The following MGAT4C variants were observed in gnomAD, a reference collection of about 807,000 sequenced individuals.
MGAT4C encodes MGAT4 family member C.
In MGAT4C, 19 loss-of-function variants were observed where a neutral mutation model predicts 40.1. The ratio of observed to expected loss-of-function variants is 0.47; its 90% CI spans 0.33 to 0.70. The LOEUF is 0.70. Among genes scored for constraint, MGAT4C ranks in the 30% least tolerant of loss-of-function variants. The pLI, the probability that MGAT4C is intolerant of heterozygous loss-of-function variation, is 0.02. For missense variants in MGAT4C, 491 were observed against 563.2 expected (o/e 0.87, Z 1.30); for synonymous variants, 181 against 187.1 (o/e 0.97, Z 0.27).
At chr12:86,389,220 A>G (rs1159307401) in intron 3 of MGAT4C, among the ~76,000 whole-genome samples, 3 of 151,894 alleles carry the variant, frequency 2.0e-5, no homozygotes, top group Non-Finnish European at 2.9e-5. Context: ...GGAAGGCCCC[A>G]TTGTGTGTTG....
At chr12:86,348,357 T>C (rs1446440234) in intron 3 of MGAT4C, among the ~76,000 whole-genome samples, 1 of 152,150 alleles carries the variant, frequency 6.6e-6, no homozygotes, top group African/African-American at 2.4e-5. Flanking sequence ...TCCACTGATA[T>C]TTTAACTTAA....
At chr12:86,756,849 A>G (rs1313463752) in intron 1 of MGAT4C, among the ~76,000 whole-genome samples, 3 of 152,156 alleles carry the variant, frequency 2.0e-5, no homozygotes, top group Non-Finnish European at 4.4e-5. Flanking sequence ...AAAACCCTGA[A>G]AGATAACTTC....
At chr12:86,696,539 G>A (rs959208926) in intron 2 of MGAT4C, among the ~76,000 whole-genome samples, 2 of 152,194 alleles carry the variant, frequency 1.3e-5, no homozygotes. Context: ...TCCGTTTTTG[G>A]AGGTGGATGC....
intron 2 of MGAT4C, among the ~76,000 whole-genome samples, chr12:86,550,585 T>G (rs1959302542): frequency 6.6e-6 from 1 of 152,226 alleles, no homozygotes; most frequent in Non-Finnish European, 1.5e-5. Context: ...GGCTTCATTT[T>G]CATTCCACCA....
intron 2 of MGAT4C, among the ~76,000 whole-genome samples, chr12:86,593,871 C>CA (rs151166377): frequency 0.054 from 8,283 of 152,154 alleles, 285 homozygotes; most frequent in African/African-American, 0.09. Context: ...CTTCTCCAGG[C>CA]AAAATCTCTG....
intron 4 of MGAT4C, among the ~76,000 whole-genome samples, chr12:86,268,854 A>G (rs187445506): frequency 1.4e-5 from 2 of 147,108 alleles, no homozygotes; most frequent in Admixed American, 1.4e-4. Context: ...TCTTCTTAGT[A>G]ATTATGCATA....
chr12:86,419,844 G>A (rs367776938), intron 3 of MGAT4C, among the ~76,000 whole-genome samples: 7 of 152,234 alleles, frequency 4.6e-5, no homozygotes, highest in East Asian at 3.9e-4. Context: ...TATTAAGAGA[G>A]TTGTATCAGG....
chr12:86,656,680 C>T (rs1963857821), intron 2 of MGAT4C, among the ~76,000 whole-genome samples: 2 of 151,972 alleles, frequency 1.3e-5, no homozygotes, highest in Non-Finnish European at 2.9e-5. Flanking sequence ...AAAAATGCTT[C>T]GTGAGCTGGA....
chr12:86,694,450 A>C (rs1035133025), intron 2 of MGAT4C, among the ~76,000 whole-genome samples: 1 of 152,206 alleles, frequency 6.6e-6, no homozygotes, highest in Non-Finnish European at 1.5e-5. Context: ...AAAAATATTT[A>C]GAATGAGCTA....
Position 86,480,475 on chromosome 12 carries a change from T to A in MGAT4C, c.-228-45210A>T, listed in dbSNP as rs190773528. On this transcript the variant is annotated intron_variant, in intron 2 of 7. Transcript: ENST00000548651. ...ATAGATATGTACACATATACATATGTATGTATACATATATAGATATGTACA... is the reference window on the plus strand; with the variant it reads ...ATAGATATGTACACATATACATATGAATGTATACATATATAGATATGTACA... 5.0e-3 allele frequency among the ~76,000 whole-genome samples: 751 copies of A among 149,684 alleles called. 8 individuals are homozygous for A. Among genetic ancestry groups the A allele is most frequent in the African/African-American group, 0.018 (720 of 40,764 alleles).
chr12:86,365,564 G>A (rs1412287928), intron 3 of MGAT4C, among the ~76,000 whole-genome samples: 1 of 152,078 alleles, frequency 6.6e-6, no homozygotes, highest in African/African-American at 2.4e-5. Flanking sequence ...AATTATAAAA[G>A]TATTAATTTG....
At chr12:86,460,740 C>T (rs1258400063) in intron 2 of MGAT4C, among the ~76,000 whole-genome samples, 2 of 151,248 alleles carry the variant, frequency 1.3e-5, no homozygotes, top group Non-Finnish European at 2.9e-5. Context: ...TTTTTTCTTC[C>T]CTGAGAAATG....
chr12:86,463,574 C>T (rs973820832), intron 2 of MGAT4C, among the ~76,000 whole-genome samples: 2 of 152,104 alleles, frequency 1.3e-5, no homozygotes, highest in African/African-American at 4.8e-5. Context: ...ACTTAAAGAT[C>T]ACTTTTTCAG....
intron 2 of MGAT4C, among the ~76,000 whole-genome samples, chr12:86,552,025 G>GAAAAAAAA (rs1565843836): frequency 1.3e-5 from 1 of 78,758 alleles, no homozygotes; most frequent in Non-Finnish European, 2.7e-5. Flanking sequence ...ATTAAAAAAA[G>GAAAAAAAA]CAAAAAAAAA....
intron 4 of MGAT4C, among the ~76,000 whole-genome samples, chr12:86,267,771 A>G (rs1275764764): frequency 6.6e-6 from 1 of 152,128 alleles, no homozygotes; most frequent in Non-Finnish European, 1.5e-5. Context: ...TTTAAAGTAA[A>G]AATTTAGACT....
At chr12:86,520,691 T>C (rs1022271499) in intron 2 of MGAT4C, among the ~76,000 whole-genome samples, 3 of 152,136 alleles carry the variant, frequency 2.0e-5, no homozygotes, top group African/African-American at 4.8e-5. Context: ...TATATTCCCA[T>C]CAACAGTGTA....
intron 3 of MGAT4C, among the ~76,000 whole-genome samples, chr12:86,362,568 T>C (rs976772681): frequency 6.6e-6 from 1 of 152,176 alleles, no homozygotes; most frequent in African/African-American, 2.4e-5. Context: ...TCCAGTCATA[T>C]ATTTTATAAG....
chr12:85,990,023 G>T (rs1447405606), intron 2 of MGAT4C, among the ~76,000 whole-genome samples: 2 of 152,018 alleles, frequency 1.3e-5, no homozygotes, highest in African/African-American at 4.8e-5. Flanking sequence ...ATTTAACTGG[G>T]AATCTGGGTG....
intron 3 of MGAT4C, among the ~76,000 whole-genome samples, chr12:86,401,287 G>GGT (rs10638406): frequency 0.6 from 88,467 of 147,290 alleles, 27,043 homozygotes; most frequent in South Asian, 0.75. Flanking sequence ...TGTGTATGTG[G>GGT]GTGTGTGTGT....
Sources: allele counts gnomAD v4.1 joint callset (sites outside exome capture counted in the v4.1 genomes callset), GRCh38; gene constraint gnomAD v4.1.1; transcripts MANE v1.5; gene names NCBI Gene and HGNC (gene_info 2026-07-23, HGNC 2026-07-21).